KCNB2: variants seen among roughly 807,000 people sequenced by gnomAD.
KCNB2 encodes potassium voltage-gated channel subfamily B member 2, also known as delayed rectifier potassium channel protein.
KCNB2 carries 15 observed loss-of-function variants against 61.5 expected under a neutral mutation model. That is an observed-to-expected ratio of 0.24 (90% CI 0.16 to 0.38). KCNB2 has a LOEUF of 0.38. Ranked by LOEUF, KCNB2 falls within the 10% of genes least tolerant of loss-of-function variation. KCNB2 has a pLI of 1.00. For missense variants in KCNB2, 828 were observed against 1,125.2 expected (o/e 0.74, Z 3.78); for synonymous variants, 457 against 446.0 (o/e 1.02, Z -0.31).
intron 1 of KCNB2, among the ~76,000 whole-genome samples, chr8:72,543,984 C>T (rs1057277899): frequency 6.6e-5 from 10 of 152,158 alleles, no homozygotes; most frequent in African/African-American, 2.4e-4. Flanking sequence ...CAAAATCAAA[C>T]TATGTAGTTT....
chr8:72,900,397 G>C (rs1005479275), intron 2 of KCNB2, among the ~76,000 whole-genome samples: 1 of 152,050 alleles, frequency 6.6e-6, no homozygotes, highest in African/African-American at 2.4e-5. Context: ...AAAATCCTAA[G>C]AGAAAACCCA....
At chr8:72,698,449 A>G (rs569490651) in intron 2 of KCNB2, among the ~76,000 whole-genome samples, 3 of 152,298 alleles carry the variant, frequency 2.0e-5, no homozygotes, top group African/African-American at 7.2e-5. Context: ...AAAGCAATCT[A>G]CAGATTCAAC....
chr8:72,765,722 G>T (rs1169881795), intron 2 of KCNB2, among the ~76,000 whole-genome samples: 1 of 152,120 alleles, frequency 6.6e-6, no homozygotes, highest in African/African-American at 2.4e-5. Flanking sequence ...ATGCTATAGT[G>T]GTTCTCGAAC....
intron 2 of KCNB2, among the ~76,000 whole-genome samples, chr8:72,638,613 T>A (rs1266763895): frequency 6.6e-6 from 1 of 152,126 alleles, no homozygotes; most frequent in Non-Finnish European, 1.5e-5. Context: ...ACCATCTAAT[T>A]TCTGCCTCTG....
At position 72,937,633 on chromosome 8, in the gene KCNB2, AC is replaced by A; in HGVS notation, c.2283del (p.Ser762ProfsTer46). ...QHISTILLEE[T>X]PSQGDRPLLG... Reference sequence around the variant, plus strand: ...CATCAGTACCATCCTCTTAGAAGAAACCCCCTCCCAGGGAGACAGACCCTTG... The same window carrying A: ...CATCAGTACCATCCTCTTAGAAGAAACCCCTCCCAGGGAGACAGACCCTTG... On this transcript the variant is annotated frameshift_variant, in exon 3 of 3. Transcript: ENST00000523207. LOFTEE classifies it high-confidence loss of function. The A allele has an allele frequency of 6.2e-7, 1 of 1,612,034 alleles. No homozygotes were observed. The highest frequency in any genetic ancestry group is 8.5e-7 in the Non-Finnish European group (1 of 1,179,474).
At chr8:72,885,017 A>C (rs1276583652) in intron 2 of KCNB2, among the ~76,000 whole-genome samples, 1 of 152,200 alleles carries the variant, frequency 6.6e-6, no homozygotes, top group Non-Finnish European at 1.5e-5. Flanking sequence ...CAAATTAGGA[A>C]GTTCTTATTT....
intron 1 of KCNB2, among the ~76,000 whole-genome samples, chr8:72,564,801 A>G (rs1585754314): frequency 6.6e-6 from 1 of 152,208 alleles, no homozygotes; most frequent in East Asian, 1.9e-4. Context: ...AATGGGAAAG[A>G]CAGAACATAT....
intron 2 of KCNB2, among the ~76,000 whole-genome samples, chr8:72,921,554 C>A (rs1806520207): frequency 6.6e-6 from 1 of 152,148 alleles, no homozygotes; most frequent in Non-Finnish European, 1.5e-5. Context: ...TTACAGACTA[C>A]CACTAGAGGA....
intron 2 of KCNB2, among the ~76,000 whole-genome samples, chr8:72,748,240 C>A (rs1024825380): frequency 6.6e-6 from 1 of 152,142 alleles, no homozygotes; most frequent in Non-Finnish European, 1.5e-5. Flanking sequence ...GTTCAAGTCT[C>A]ATTGACCTGA....
At chr8:72,628,518 T>C (rs1296301608) in intron 2 of KCNB2, among the ~76,000 whole-genome samples, 1 of 151,864 alleles carries the variant, frequency 6.6e-6, no homozygotes, top group Non-Finnish European at 1.5e-5. Flanking sequence ...GGTTAGCAGA[T>C]TTTTCCCAAG....
At chr8:72,652,623 G>A (rs1806229511) in intron 2 of KCNB2, among the ~76,000 whole-genome samples, 1 of 151,994 alleles carries the variant, frequency 6.6e-6, no homozygotes, top group African/African-American at 2.4e-5. Context: ...TTCCCTCCAA[G>A]CTCTCAGGCT....
chr8:72,921,149 TATA>T (rs1276465723), intron 2 of KCNB2, among the ~76,000 whole-genome samples: 1 of 152,102 alleles, frequency 6.6e-6, no homozygotes, highest in Non-Finnish European at 1.5e-5. Context: ...TATAATTTAA[TATA>T]ATAATTACTA....
At chr8:72,700,582 A>G (rs1462651663) in intron 2 of KCNB2, among the ~76,000 whole-genome samples, 1 of 152,180 alleles carries the variant, frequency 6.6e-6, no homozygotes, top group Non-Finnish European at 1.5e-5. Flanking sequence ...AAGTCAAAAA[A>G]TGACAAATGC....
chr8:72,746,581 A>G (rs1223289036), intron 2 of KCNB2, among the ~76,000 whole-genome samples: 2 of 152,178 alleles, frequency 1.3e-5, no homozygotes, highest in African/African-American at 2.4e-5. Context: ...ATGTGGCTTC[A>G]TCTACTGGTT....
chr8:72,837,050 A>G (rs1254123996), intron 2 of KCNB2, among the ~76,000 whole-genome samples: 2 of 152,246 alleles, frequency 1.3e-5, no homozygotes, highest in Non-Finnish European at 2.9e-5. Context: ...AGATGATGGC[A>G]TCTAATTCTA....
At chr8:72,609,907 G>A (rs1805511097) in intron 2 of KCNB2, among the ~76,000 whole-genome samples, 1 of 152,102 alleles carries the variant, frequency 6.6e-6, no homozygotes, top group South Asian at 2.1e-4. Context: ...AGCATTCAGG[G>A]GCTGCTGTTC....
chr8:72,756,081 C>T (rs1367954177), intron 2 of KCNB2, among the ~76,000 whole-genome samples: 1 of 152,172 alleles, frequency 6.6e-6, no homozygotes, highest in Non-Finnish European at 1.5e-5. Context: ...CTGTATAAGC[C>T]TCATGTGCCA....
chr8:72,933,622 G>A (rs895745613), intron 2 of KCNB2, among the ~76,000 whole-genome samples: 1 of 152,170 alleles, frequency 6.6e-6, no homozygotes, highest in Non-Finnish European at 1.5e-5. Context: ...GCATAGGAAC[G>A]GATGGGATCT....
intron 2 of KCNB2, among the ~76,000 whole-genome samples, chr8:72,884,750 A>T (rs1263359528): frequency 1.3e-5 from 2 of 151,960 alleles, no homozygotes; most frequent in East Asian, 1.9e-4. Flanking sequence ...GGTTTTAGGC[A>T]CTCTATTCTG....
Sources: allele counts gnomAD v4.1 joint callset (sites outside exome capture counted in the v4.1 genomes callset), GRCh38; gene constraint gnomAD v4.1.1; transcripts MANE v1.5; gene names NCBI Gene and HGNC (gene_info 2026-07-23, HGNC 2026-07-21).